HTR2C: variants seen among roughly 807,000 people sequenced by gnomAD.
HTR2C encodes 5-hydroxytryptamine receptor 2C.
In HTR2C, 5 loss-of-function variants were observed where a neutral mutation model predicts 21.0. The observed-to-expected ratio is 0.24, with a 90% CI of 0.12 to 0.50. The LOEUF (loss-of-function observed/expected upper bound fraction) is 0.50. Ranked by LOEUF, HTR2C falls within the 20% of genes least tolerant of loss-of-function variation. HTR2C has a pLI of 0.98. For synonymous variants in HTR2C, 150 were observed against 145.3 expected (o/e 1.03, Z -0.23); for missense variants, 271 against 371.2 (o/e 0.73, Z 2.22).
chrX:114,814,976 T>C (rs782033036), intron 4 of HTR2C, among the ~76,000 whole-genome samples: 7 of 103,629 alleles, frequency 6.8e-5, no homozygotes, highest in African/African-American at 2.4e-4. Context: ...ATACATATAA[T>C]ACATTATATA....
intron 2 of HTR2C, among the ~76,000 whole-genome samples, chrX:114,725,210 G>T (rs1345544811): frequency 1.8e-5 from 2 of 110,635 alleles, no homozygotes; most frequent in East Asian, 5.7e-4. Flanking sequence ...AGGCTTTGTT[G>T]GTTTCTTTTT....
chrX:114,875,089 C>T (rs2071122902), intron 5 of HTR2C, among the ~76,000 whole-genome samples: 1 of 110,931 alleles, frequency 9.0e-6, no homozygotes, highest in Non-Finnish European at 1.9e-5. Flanking sequence ...CTGGTAAGGG[C>T]CCACTTTCTC....
At chrX:114,761,999 C>CGTGTATATCT (rs2069881487) in intron 4 of HTR2C, among the ~76,000 whole-genome samples, 1 of 7,585 alleles carries the variant, frequency 1.3e-4, no homozygotes, top group Admixed American at 2.4e-3. Flanking sequence ...ACTATATATA[C>CGTGTATATCT]ACATATATAT....
intron 2 of HTR2C, among the ~76,000 whole-genome samples, chrX:114,624,259 G>A (rs1214384286): frequency 9.0e-6 from 1 of 111,069 alleles, no homozygotes; most frequent in African/African-American, 3.3e-5. Flanking sequence ...CTCAATAAAT[G>A]TGTTAAATAA....
At chrX:114,830,387 G>A (rs73222955) in intron 4 of HTR2C, among the ~76,000 whole-genome samples, 23 of 111,291 alleles carry the variant, frequency 2.1e-4, no homozygotes, top group Non-Finnish European at 3.4e-4. Flanking sequence ...GAAGGGAAAG[G>A]AAAATAATTC....
chrX:114,613,642 A>G (rs1569478249), intron 1 of HTR2C, among the ~76,000 whole-genome samples, 173 bp from the exon 2 acceptor site: 1 of 111,420 alleles, frequency 9.0e-6, no homozygotes, highest in Non-Finnish European at 1.9e-5. Context: ...TGCTGTACTA[A>G]TATTTTGCTG....
chrX:114,736,044 C>T (rs1236539780), intron 4 of HTR2C, among the ~76,000 whole-genome samples: 2 of 109,055 alleles, frequency 1.8e-5, no homozygotes, highest in South Asian at 8.1e-4. Context: ...ACCTGGGAGG[C>T]GGAGCTTGCA....
At chrX:114,869,950 G>GTGA in intron 5 of HTR2C, among the ~76,000 whole-genome samples, 1 of 111,974 alleles carries the variant, frequency 8.9e-6, no homozygotes, top group East Asian at 2.8e-4. Flanking sequence ...TTCTGTTGAT[G>GTGA]TGATGTATCA....
chrX:114,754,462 T>G (rs2147370584), intron 4 of HTR2C, among the ~76,000 whole-genome samples: 1 of 111,762 alleles, frequency 8.9e-6, no homozygotes, highest in African/African-American at 3.2e-5. Flanking sequence ...CATAGATCAA[T>G]GGAACAGAAC....
At chrX:114,593,091 T>C (rs1201633255) in intron 1 of HTR2C, among the ~76,000 whole-genome samples, 1 of 112,180 alleles carries the variant, frequency 8.9e-6, no homozygotes, top group African/African-American at 3.2e-5. Flanking sequence ...ATGCTTAGAA[T>C]GCAAATGTGT....
intron 4 of HTR2C, among the ~76,000 whole-genome samples, chrX:114,762,132 A>G (rs1480921127): frequency 9.2e-6 from 1 of 108,854 alleles, no homozygotes; most frequent in Non-Finnish European, 1.9e-5. Flanking sequence ...ATGCTTATAA[A>G]TCTTTCTGGA....
intron 4 of HTR2C, among the ~76,000 whole-genome samples, chrX:114,839,953 T>G (rs2070819397): frequency 9.0e-6 from 1 of 110,742 alleles, no homozygotes; most frequent in Non-Finnish European, 1.9e-5. Context: ...GTAGCCCAAA[T>G]GAAAGAGACT....
chrX:114,681,079 A>G (rs999309235), intron 2 of HTR2C, among the ~76,000 whole-genome samples: 3 of 111,485 alleles, frequency 2.7e-5, no homozygotes, highest in East Asian at 2.8e-4. Context: ...TGACAGCAAC[A>G]TGGAAAGCTC....
At chrX:114,606,525 C>G (rs974986239) in intron 1 of HTR2C, among the ~76,000 whole-genome samples, 38 of 111,377 alleles carry the variant, frequency 3.4e-4, no homozygotes, top group Non-Finnish European at 6.4e-4. Flanking sequence ...TCTCCTTTGT[C>G]TCTCCCAGAA....
chrX:114,859,181 T>A (rs1365963978), intron 5 of HTR2C, among the ~76,000 whole-genome samples: 1 of 110,968 alleles, frequency 9.0e-6, no homozygotes, highest in African/African-American at 3.3e-5. Flanking sequence ...ATAAAATGAG[T>A]TTGAAGCTGT....
intron 5 of HTR2C, among the ~76,000 whole-genome samples, chrX:114,860,023 A>T (rs782081690): frequency 1.8e-5 from 2 of 111,681 alleles, no homozygotes; most frequent in African/African-American, 6.5e-5. Flanking sequence ...CAGGGTATAT[A>T]CACTTTATGT....
At chrX:114,784,598 T>G (rs998738855) in intron 4 of HTR2C, among the ~76,000 whole-genome samples, 3 of 107,747 alleles carry the variant, frequency 2.8e-5, no homozygotes, top group African/African-American at 1.0e-4. Context: ...TCACATGGCC[T>G]TCTTCTTGTA....
chrX:114,779,093 G>T (rs1008390303), intron 4 of HTR2C, among the ~76,000 whole-genome samples: 2 of 111,391 alleles, frequency 1.8e-5, no homozygotes, highest in African/African-American at 6.5e-5. Flanking sequence ...TTGCCACTTG[G>T]TGCAACATCA....
intron 2 of HTR2C, among the ~76,000 whole-genome samples, chrX:114,717,408 A>T (rs781829930): frequency 1.8e-5 from 2 of 112,424 alleles, no homozygotes; most frequent in South Asian, 7.3e-4. Context: ...TGTGAAATTT[A>T]GTCTTTCAGT....
Sources: allele counts gnomAD v4.1 joint callset (sites outside exome capture counted in the v4.1 genomes callset), GRCh38; gene constraint gnomAD v4.1.1; transcripts MANE v1.5; gene names NCBI Gene and HGNC (gene_info 2026-07-23, HGNC 2026-07-21).